Variants in HIVEP3 observed in about 807,000 individuals in gnomAD.
HIVEP3 encodes transcription factor HIVEP3.
In HIVEP3, 49 loss-of-function variants were observed where a neutral mutation model predicts 152.8. The ratio of observed to expected loss-of-function variants is 0.32; its 90% CI spans 0.26 to 0.41. The LOEUF (loss-of-function observed/expected upper bound fraction) is 0.41, where lower values mean the gene tolerates loss of function less well. HIVEP3 is among the 10% of genes least tolerant of loss of function. The pLI, the probability that HIVEP3 is intolerant of heterozygous loss-of-function variation, is 1.00. For synonymous variants in HIVEP3, 1,269 were observed against 1,289.0 expected, an observed-to-expected ratio of 0.98 and a Z score of 0.33; for missense variants, 2,790 against 3,103.3, an observed-to-expected ratio of 0.90 and a Z score of 2.40.
intron 1 of HIVEP3, among the ~76,000 whole-genome samples, chr1:41,801,743 G>GA (rs1199728261): frequency 6.7e-6 from 1 of 150,358 alleles, no homozygotes; most frequent in African/African-American, 2.5e-5. Flanking sequence ...GACTCCATCT[G>GA]AAAAAAATAA....
chr1:41,513,919 G>A (rs72949378), intron 7 of HIVEP3, among the ~76,000 whole-genome samples, 169 bp from the exon 8 acceptor site: 2,726 of 152,284 alleles, frequency 0.018, 82 homozygotes, highest in African/African-American at 0.062. Context: ...ATATGGGAGC[G>A]CTTTGTAAAT....
intron 1 of HIVEP3, among the ~76,000 whole-genome samples, chr1:41,829,231 T>C (rs1642891636): frequency 6.6e-6 from 1 of 152,252 alleles, no homozygotes; most frequent in Non-Finnish European, 1.5e-5. Context: ...TTTGCTTTTA[T>C]CTAAAGACAC....
chr1:41,775,305 T>C (rs1648626460), intron 1 of HIVEP3, among the ~76,000 whole-genome samples: 1 of 152,196 alleles, frequency 6.6e-6, no homozygotes, highest in Non-Finnish European at 1.5e-5. Flanking sequence ...GCATATAAAT[T>C]TGAATGGCAA....
At chr1:41,808,490 C>T (rs1039512650) in intron 1 of HIVEP3, among the ~76,000 whole-genome samples, 6 of 152,224 alleles carry the variant, frequency 3.9e-5, no homozygotes, top group Non-Finnish European at 5.9e-5. Flanking sequence ...CCAGTTTGGG[C>T]TGGGAACCAA....
At chr1:41,526,683 C>G (rs1177278171) in intron 5 of HIVEP3, among the ~76,000 whole-genome samples, 1 of 108,562 alleles carries the variant, frequency 9.2e-6, no homozygotes, top group East Asian at 3.4e-4. Flanking sequence ...GCTCGCACCC[C>G]CACACTCACC....
chr1:41,648,562 C>T (rs1019341949), intron 2 of HIVEP3, among the ~76,000 whole-genome samples: 2 of 152,182 alleles, frequency 1.3e-5, no homozygotes, highest in African/African-American at 4.8e-5. Context: ...AATTTGCCTC[C>T]TAGAAAGCCC....
intron 1 of HIVEP3, among the ~76,000 whole-genome samples, chr1:41,770,221 C>T (rs899197840): frequency 6.6e-6 from 1 of 152,104 alleles, no homozygotes; most frequent in African/African-American, 2.4e-5. Context: ...GATCTGCCCA[C>T]CTCGGCCTCC....
intron 2 of HIVEP3, among the ~76,000 whole-genome samples, chr1:41,646,176 C>T (rs1294657090): frequency 6.6e-6 from 1 of 152,190 alleles, no homozygotes; most frequent in Non-Finnish European, 1.5e-5. Context: ...AAATAACAGA[C>T]AGCAGTACTT....
At chr1:42,023,517 C>T (rs1304513575) in intron 1 of HIVEP3, among the ~76,000 whole-genome samples, 2 of 152,146 alleles carry the variant, frequency 1.3e-5, no homozygotes, top group Non-Finnish European at 2.9e-5. Flanking sequence ...GAGGTGGAGC[C>T]TGGTGGGAGG....
At chr1:42,021,748 A>T (rs1645555882) in intron 1 of HIVEP3, among the ~76,000 whole-genome samples, 1 of 152,178 alleles carries the variant, frequency 6.6e-6, no homozygotes, top group Non-Finnish European at 1.5e-5. Context: ...AAGACTGAGG[A>T]ATGTCCAGTG....
chr1:41,552,532 A>G (rs1427743055), intron 5 of HIVEP3, among the ~76,000 whole-genome samples: 1 of 146,572 alleles, frequency 6.8e-6, no homozygotes, highest in Non-Finnish European at 1.5e-5. Context: ...CCATGTCCCT[A>G]CAAAGGACAT....
intron 1 of HIVEP3, among the ~76,000 whole-genome samples, chr1:41,906,701 G>C (rs1430021567): frequency 6.6e-6 from 1 of 152,104 alleles, no homozygotes; most frequent in Non-Finnish European, 1.5e-5. Context: ...ACTCAATTTA[G>C]AAAATATTTT....
intron 6 of HIVEP3, among the ~76,000 whole-genome samples, chr1:41,521,790 C>T (rs1004740080): frequency 4.6e-5 from 7 of 152,258 alleles, no homozygotes; most frequent in Admixed American, 6.5e-5. Flanking sequence ...TTTGATCAAC[C>T]GCTCTGTCCC....
At chr1:41,703,985 C>T (rs1035979846) in intron 1 of HIVEP3, among the ~76,000 whole-genome samples, 23 of 152,192 alleles carry the variant, frequency 1.5e-4, no homozygotes, top group Non-Finnish European at 8.8e-5. Context: ...AAATTCAAGT[C>T]CTCACTCTTG....
At chr1:41,966,067 C>T (rs962936906) in intron 1 of HIVEP3, among the ~76,000 whole-genome samples, 1 of 152,128 alleles carries the variant, frequency 6.6e-6, no homozygotes, top group African/African-American at 2.4e-5. Context: ...AGATTGGGGG[C>T]CAATATTCAA....
At chr1:41,621,399 C>T (rs1161216341) in intron 3 of HIVEP3, among the ~76,000 whole-genome samples, 2 of 152,246 alleles carry the variant, frequency 1.3e-5, no homozygotes, top group Non-Finnish European at 2.9e-5. Context: ...AAACTTCGCC[C>T]TGCTTTCCAG....
Position 41,762,508 on chromosome 1 carries a change from T to C in HIVEP3, c.-800-61513A>G, listed in dbSNP as rs552239948. ...GGAGCTGTTAGCATGCTCTAACACC[T>C]GCTCTGGGGCTTCAGGGTTGTGGGC... On this transcript the variant is annotated intron_variant, in intron 1 of 8. Transcript: ENST00000372583. 9.2e-5 allele frequency among the ~76,000 whole-genome samples: 14 copies of C among 152,336 alleles called. No individual in the cohort carries two copies. In the South Asian group the frequency reaches 2.7e-3, roughly 29 times the overall value.
At chr1:41,824,776 T>TAGAGAG (rs1642728605) in intron 1 of HIVEP3, among the ~76,000 whole-genome samples, 10 of 12,318 alleles carry the variant, frequency 8.1e-4, no homozygotes, top group South Asian at 5.1e-3. Context: ...TATATATATA[T>TAGAGAG]ATATATATAG....
At chr1:42,000,980 T>A (rs903071120) in intron 1 of HIVEP3, among the ~76,000 whole-genome samples, 4 of 152,234 alleles carry the variant, frequency 2.6e-5, no homozygotes, top group African/African-American at 9.6e-5. Flanking sequence ...CATATAGTAA[T>A]ACTTGCAACA....
Sources: allele counts gnomAD v4.1 joint callset (sites outside exome capture counted in the v4.1 genomes callset), GRCh38; gene constraint gnomAD v4.1.1; transcripts MANE v1.5; gene names NCBI Gene and HGNC (gene_info 2026-07-23, HGNC 2026-07-21).